EFTUD2: variants seen among roughly 807,000 people sequenced by gnomAD.
EFTUD2 encodes elongation factor Tu GTP binding domain containing 2.
Under a neutral mutation model 114.3 loss-of-function variants are expected in EFTUD2, and 9 were observed. That is an observed-to-expected ratio of 0.08 (90% CI 0.05 to 0.14). EFTUD2 has a LOEUF of 0.14. EFTUD2 is among the 10% of genes least tolerant of loss of function. The pLI is 1.00. For synonymous variants in EFTUD2, 449 were observed against 462.3 expected (o/e 0.97, Z 0.37); for missense variants, 765 against 1,241.2 (o/e 0.62, Z 5.76).
intron 2 of EFTUD2, among the ~76,000 whole-genome samples, chr17:44,887,735 A>G (rs1301477206): frequency 6.6e-6 from 1 of 152,180 alleles, no homozygotes; most frequent in Non-Finnish European, 1.5e-5. Flanking sequence ...GATAATGGAA[A>G]TGTTCTAAAA....
intron 15 of EFTUD2, 30 bp downstream of exon 15, chr17:44,863,625 C>T: frequency 6.2e-7 from 1 of 1,602,468 alleles, no homozygotes; most frequent in South Asian, 1.1e-5. Flanking sequence ...GAAAAAAAGA[C>T]CAGAGAACCG....
chr17:44,850,737 G>C lies in EFTUD2; in HGVS notation c.*537C>G. The C allele has an allele frequency of 4.1e-6, 1 of 246,382 alleles. No homozygotes were observed. Among genetic ancestry groups the C allele is most frequent in the East Asian group, 7.8e-5 (1 of 12,854 alleles). 15.3% of individuals were successfully genotyped at this position (246,382 alleles called of 1,614,324 possible). A position where few individuals can be genotyped will look rare whatever the true frequency, so the allele number is the denominator to read the frequency against. ...AGCAAGGGGGCAATAATGGGGCCTT[G>C]GCGCTCATGGGAACACTGAATTAAA... is the stretch of plus-strand genomic sequence containing the variant. On this transcript the variant is annotated 3_prime_UTR_variant, in exon 28 of 28. Coordinates refer to ENST00000426333, the MANE Select transcript of EFTUD2 (RefSeq NM_004247.4).
Position 44,879,618 on chromosome 17 carries a change from C to G in EFTUD2, c.640G>C (p.Glu214Gln). 1 of 1,613,978 alleles carries G rather than the reference C, an allele frequency of 6.2e-7. No homozygotes were observed. Residue 214 changes from glutamate to glutamine, a missense_variant, in exon 9 of 28, where the codon GAG (glutamate) becomes CAG (glutamine). Around this residue, in one of 6 missense-constraint regions of EFTUD2, gnomAD observed 251 missense variants for 357.7 expected, o/e 0.70. Transcript: ENST00000426333. The stretch of plus-strand genomic sequence containing the variant: ...GAGATGCGCAAGCCAGCTGTGACCT[C>G]ATCAGAGAAATTCACATGTCCTGAA... ...DTPGHVNFSD[E>Q]VTAGLRISDG...
At chr17:44,853,794 A>G (rs542762550) in intron 23 of EFTUD2, 159 bp from the exon 24 acceptor site, 10 of 1,460,552 alleles carry the variant, frequency 6.8e-6, no homozygotes, top group African/African-American at 1.4e-5. Context: ...TGAATAAGCA[A>G]GGCCCATGGC....
chr17:44,870,111 A>G (rs1239424872), intron 11 of EFTUD2, among the ~76,000 whole-genome samples: 2 of 152,210 alleles, frequency 1.3e-5, no homozygotes, highest in East Asian at 3.8e-4. Context: ...CTGACTTTAC[A>G]GAAGTCTACA....
chr17:44,863,846 T>A, intron 14 of EFTUD2, 64 bp from the exon 15 acceptor site: 2 of 1,592,570 alleles, frequency 1.3e-6, no homozygotes, highest in South Asian at 2.3e-5. Context: ...CAGGAGTTAC[T>A]GAGCCATTCA....
chr17:44,868,398 C>A, intron 11 of EFTUD2, 48 bp from the exon 12 acceptor site: 1 of 1,596,236 alleles, frequency 6.3e-7, no homozygotes, highest in Non-Finnish European at 8.6e-7. Flanking sequence ...AAGTGTCGTT[C>A]AAAATTCTGT....
chr17:44,868,663 C>T (rs1022909277), intron 11 of EFTUD2, among the ~76,000 whole-genome samples: 1 of 152,200 alleles, frequency 6.6e-6, no homozygotes, highest in Non-Finnish European at 1.5e-5. Flanking sequence ...GGGTCACCTA[C>T]TGTGTGGCAT....
chr17:44,877,432 C>G (rs939906954), intron 9 of EFTUD2, among the ~76,000 whole-genome samples: 2 of 152,182 alleles, frequency 1.3e-5, no homozygotes, highest in African/African-American at 4.8e-5. Flanking sequence ...TTATAACTCA[C>G]TGAATAAAAT....
At chr17:44,873,430 A>G (rs1443757573) in intron 10 of EFTUD2, among the ~76,000 whole-genome samples, 2 of 151,996 alleles carry the variant, frequency 1.3e-5, no homozygotes, top group Non-Finnish European at 2.9e-5. Context: ...ATCACCATTC[A>G]CTGTAGCCTC....
At chr17:44,853,247 T>TTCTGCTCTTGC (rs1567728125) in intron 25 of EFTUD2, 49 bp downstream of exon 25, 1 of 1,590,432 alleles carries the variant, frequency 6.3e-7, no homozygotes, top group East Asian at 2.3e-5. Context: ...GTGACTCTTG[T>TTCTGCTCTTGC]TCTGCTCTTG....
chr17:44,869,888 T>A (rs549714596), intron 11 of EFTUD2, among the ~76,000 whole-genome samples: 22 of 152,246 alleles, frequency 1.4e-4, no homozygotes, highest in Non-Finnish European at 2.8e-4. Context: ...ATTCTGTTCG[T>A]CCACTGGATG....
Position 44,867,147 on chromosome 17 carries a change from CAGG to C in EFTUD2, c.1149+657_1149+659del, listed in dbSNP as rs145858769. Reference sequence around the variant, plus strand: ...AAACACTTTGACTTATATGAATAAGCAGGAGGACTTTCACAATTATATCTGTAA... The same window carrying C: ...AAACACTTTGACTTATATGAATAAGCAGGACTTTCACAATTATATCTGTAA... On this transcript the variant is annotated intron_variant, in intron 13 of 27. Transcript: ENST00000426333. 1.4e-3 allele frequency among the ~76,000 whole-genome samples: 212 copies of C among 152,210 alleles called. 1 individual carries two copies. The East Asian group carries it at 0.019, about 13-fold the overall frequency.
chr17:44,872,134 G>T (rs150613354), intron 11 of EFTUD2, among the ~76,000 whole-genome samples: 1 of 152,362 alleles, frequency 6.6e-6, no homozygotes, highest in African/African-American at 2.4e-5. Context: ...GAGAAGGTCT[G>T]AAAGTGCCTG....
intron 1 of EFTUD2, among the ~76,000 whole-genome samples, chr17:44,897,473 G>A (rs1389919576): frequency 6.6e-6 from 1 of 152,308 alleles, no homozygotes; most frequent in Non-Finnish European, 1.5e-5. Flanking sequence ...TAATACTTTA[G>A]AGCAAGAGTT....
intron 15 of EFTUD2, 147 bp from the exon 16 acceptor site, chr17:44,863,053 C>G (rs1219898738): frequency 3.3e-6 from 2 of 605,884 alleles, no homozygotes; most frequent in South Asian, 2.8e-5. Flanking sequence ...CATGTTCTAC[C>G]CCATCCCTCT....
In EFTUD2 at chr17:44,853,401, G is replaced by A. The variant is rs766967415; in HGVS notation, c.2467-11C>T. On this transcript the variant is annotated splice_polypyrimidine_tract_variant and intron_variant, in intron 24 of 27. Coordinates refer to ENST00000426333, the MANE Select transcript of EFTUD2 (RefSeq NM_004247.4). ...CAGACGAGGAGTAGCCTGCAGCAGA[G>A]CAAGAAGAAAGGCCCCTCAGCTTGG... The A allele has an allele frequency of 6.2e-7, 1 of 1,614,146 alleles. No individual in the cohort carries two copies. The highest frequency in any genetic ancestry group is 1.1e-5 in the South Asian group (1 of 91,078).
intron 19 of EFTUD2, among the ~76,000 whole-genome samples, chr17:44,858,155 C>T (rs2050591483): frequency 6.6e-6 from 1 of 152,138 alleles, no homozygotes; most frequent in East Asian, 1.9e-4. Flanking sequence ...CTCCTGACCT[C>T]AAGCAATCCA....
In EFTUD2 at chr17:44,867,369, G is replaced by A. The variant is rs1597802155; in HGVS notation, c.1149+438C>T. Among the ~76,000 whole-genome samples the A allele has an allele frequency of 2.8e-5, 4 of 142,802 alleles. No individual in the cohort carries two copies. In the South Asian group the frequency reaches 8.7e-4, roughly 31 times the overall value. 93.7% of individuals were successfully genotyped at this position (142,802 alleles called of 152,430 possible). A position where few individuals can be genotyped will look rare whatever the true frequency, so the allele number is the denominator to read the frequency against. ...GGCTGGAGTGCAGTGGTGCAATCTC[G>A]GCTCACTGCAACCTCTGCCTCCTGA... is the stretch of plus-strand genomic sequence containing the variant. On this transcript the variant is annotated intron_variant, in intron 13 of 27. Coordinates refer to ENST00000426333, the MANE Select transcript of EFTUD2 (RefSeq NM_004247.4).
Sources: gnomAD v4.1 joint callset for allele counts (sites outside exome capture counted in the v4.1 genomes callset) on GRCh38, gnomAD v4.1.1 for gene constraint, gnomAD v4.1.1 regional missense constraint, MANE v1.5 for transcripts, NCBI Gene and HGNC (gene_info 2026-07-23, HGNC 2026-07-21) for gene names.